LAMA2: variants seen among roughly 807,000 people sequenced by gnomAD.
LAMA2 encodes the protein laminin subunit alpha 2.
A neutral mutation model predicts 364.8 loss-of-function variants in LAMA2; 269 were observed. That is an observed-to-expected ratio of 0.74 (90% CI 0.67 to 0.82). LAMA2 has a LOEUF of 0.82. LAMA2 is among the 40% of genes least tolerant of loss of function. The pLI is 0.00. For missense variants in LAMA2, 3,807 were observed against 3,873.2 expected (o/e 0.98, Z 0.45); for synonymous variants, 1,379 against 1,370.6 (o/e 1.01, Z -0.14).
intron 32 of LAMA2, among the ~76,000 whole-genome samples, chr6:129,365,519 C>G (rs906381906): frequency 6.6e-6 from 1 of 151,966 alleles, no homozygotes; most frequent in Non-Finnish European, 1.5e-5. Flanking sequence ...CCCGCCACCA[C>G]GCCTGGCTAA....
chr6:128,943,249 A>AGT (rs1291386326), intron 1 of LAMA2, among the ~76,000 whole-genome samples: 1 of 145,414 alleles, frequency 6.9e-6, no homozygotes, highest in African/African-American at 2.6e-5. Context: ...ACACAGAGAG[A>AGT]GTGTGTGTGT....
At chr6:128,904,452 CTTTTTTTTTTT>C (rs562812796) in intron 1 of LAMA2, among the ~76,000 whole-genome samples, 1 of 119,336 alleles carries the variant, frequency 8.4e-6, no homozygotes, top group South Asian at 2.7e-4. Context: ...TTTTTCCTTT[CTTTTTTTTTTT>C]TTTTTTTTTA....
chr6:129,206,163 A>G (rs1158822604), intron 12 of LAMA2, among the ~76,000 whole-genome samples: 1 of 148,102 alleles, frequency 6.8e-6, no homozygotes, highest in East Asian at 2.0e-4. Flanking sequence ...GAAGGAAGGA[A>G]GGAAATTAAA....
At chr6:129,488,058 C>T (rs1784682629) in intron 56 of LAMA2, among the ~76,000 whole-genome samples, 1 of 152,126 alleles carries the variant, frequency 6.6e-6, no homozygotes, top group Admixed American at 6.5e-5. Flanking sequence ...ACCTGTAATC[C>T]CAGCACTTTG....
At chr6:129,514,139 C>G (rs568800932) in intron 63 of LAMA2, among the ~76,000 whole-genome samples, 8 of 152,230 alleles carry the variant, frequency 5.3e-5, no homozygotes, top group African/African-American at 1.9e-4. Context: ...ACGTATCTTG[C>G]CTATTAACTC....
At chr6:129,131,485 T>C (rs901918198) in intron 4 of LAMA2, among the ~76,000 whole-genome samples, 12 of 152,180 alleles carry the variant, frequency 7.9e-5, no homozygotes, top group Admixed American at 3.9e-4. Flanking sequence ...CTCCCTGTGG[T>C]CAGTTATTAG....
intron 34 of LAMA2, among the ~76,000 whole-genome samples, chr6:129,372,056 G>A (rs1172629464): frequency 2.6e-5 from 4 of 152,090 alleles, no homozygotes; most frequent in African/African-American, 9.7e-5. Context: ...TGAGTGTAAA[G>A]TTCAGAGTGT....
At chr6:128,883,900 A>G (rs1457811190) in intron 1 of LAMA2, among the ~76,000 whole-genome samples, 1 of 151,886 alleles carries the variant, frequency 6.6e-6, no homozygotes, top group African/African-American at 2.4e-5. Flanking sequence ...TTTCTAAAGA[A>G]GTTATGTGGT....
intron 3 of LAMA2, among the ~76,000 whole-genome samples, chr6:129,073,325 G>C (rs1209688061): frequency 6.6e-6 from 1 of 151,742 alleles, no homozygotes; most frequent in African/African-American, 2.4e-5. Flanking sequence ...TGGTGTTCAG[G>C]GGTTTACCAC....
intron 4 of LAMA2, among the ~76,000 whole-genome samples, chr6:129,135,607 T>C (rs1430319690): frequency 1.3e-5 from 2 of 152,240 alleles, no homozygotes; most frequent in African/African-American, 2.4e-5. Context: ...TGACTAATGA[T>C]TTTATCCTCT....
chr6:129,237,233 C>T (rs995602944), intron 12 of LAMA2, among the ~76,000 whole-genome samples: 4 of 152,120 alleles, frequency 2.6e-5, no homozygotes, highest in African/African-American at 9.7e-5. Flanking sequence ...GTTGTCATTT[C>T]CATCATCATT....
At chr6:129,229,166 G>T (rs1784516187) in intron 12 of LAMA2, among the ~76,000 whole-genome samples, 1 of 152,066 alleles carries the variant, frequency 6.6e-6, no homozygotes, top group South Asian at 2.1e-4. Context: ...AATTAGATAA[G>T]CACATAAAAT....
At chr6:129,404,085 T>G in intron 40 of LAMA2, 126 bp downstream of exon 40, 1 of 1,041,836 alleles carries the variant, frequency 9.6e-7, no homozygotes. Context: ...GAAGACCTCT[T>G]TTAAAATTTG....
chr6:129,132,627 A>G (rs528807551), intron 4 of LAMA2, among the ~76,000 whole-genome samples: 1 of 152,290 alleles, frequency 6.6e-6, no homozygotes, highest in African/African-American at 2.4e-5. Flanking sequence ...TTACTTATTC[A>G]TGTTGTCTCA....
chr6:129,229,681 A>C (rs1198182663), intron 12 of LAMA2, among the ~76,000 whole-genome samples: 1 of 152,176 alleles, frequency 6.6e-6, no homozygotes, highest in Non-Finnish European at 1.5e-5. Flanking sequence ...GATAATGGTG[A>C]AAATGATCAA....
chr6:129,500,044 C>A (rs1319652687), intron 58 of LAMA2, among the ~76,000 whole-genome samples: 1 of 151,974 alleles, frequency 6.6e-6, no homozygotes, highest in Non-Finnish European at 1.5e-5. Context: ...CATGAGCCAC[C>A]ACGCCCATCC....
At chr6:129,169,371 A>T (rs370464069) in intron 9 of LAMA2, among the ~76,000 whole-genome samples, 2 of 149,334 alleles carry the variant, frequency 1.3e-5, no homozygotes, top group South Asian at 4.2e-4. Flanking sequence ...TTTAGCATGA[A>T]GGGTTGTTGA....
chr6:129,238,851 A>ACATATGG (rs1286124302), intron 12 of LAMA2, among the ~76,000 whole-genome samples: 3 of 152,166 alleles, frequency 2.0e-5, no homozygotes, highest in Non-Finnish European at 4.4e-5. Context: ...AGCTTTGATT[A>ACATATGG]CATATGGTTC....
At chr6:129,291,856 G>C (rs1789723345) in intron 20 of LAMA2, 136 bp downstream of exon 20, 2 of 701,364 alleles carry the variant, frequency 2.9e-6, no homozygotes, top group Non-Finnish European at 5.0e-6. Flanking sequence ...AAATGACTGT[G>C]ATCAGTGAAA....
Sources: gnomAD v4.1 joint callset for allele counts (sites outside exome capture counted in the v4.1 genomes callset) on GRCh38, gnomAD v4.1.1 for gene constraint, MANE v1.5 for transcripts, NCBI Gene and HGNC (gene_info 2026-07-23, HGNC 2026-07-21) for gene names.